The following PLCE1 variants were observed in gnomAD, a reference collection of about 807,000 sequenced individuals.
The protein encoded by PLCE1 is phospholipase C epsilon 1.
Under a neutral mutation model 242.8 loss-of-function variants are expected in PLCE1, and 119 were observed. The ratio of observed to expected loss-of-function variants is 0.49; its 90% CI spans 0.42 to 0.57. The LOEUF is 0.57. Ranked by LOEUF, PLCE1 falls within the 20% of genes least tolerant of loss-of-function variation. The pLI is 0.00. For missense variants in PLCE1, 2,441 were observed against 2,788.8 expected (o/e 0.88, Z 2.81); for synonymous variants, 945 against 1,017.4 (o/e 0.93, Z 1.35).
At chr10:94,318,785 G>A (rs987602621) in intron 29 of PLCE1, among the ~76,000 whole-genome samples, 18 of 152,226 alleles carry the variant, frequency 1.2e-4, no homozygotes, top group Non-Finnish European at 2.9e-5. Context: ...AACAAGCTGG[G>A]CACGGTGGCT....
intron 2 of PLCE1, among the ~76,000 whole-genome samples, chr10:94,114,650 G>T (rs2046061688): frequency 6.6e-6 from 1 of 151,866 alleles, no homozygotes; most frequent in African/African-American, 2.4e-5. Context: ...CCAAATAATC[G>T]AGAGTTCACA....
Position 94,298,421 on chromosome 10 carries a change from C to T in PLCE1, c.5210C>T (p.Ser1737Phe), listed in dbSNP as rs762135003. ...CGACAGACCTGGGAGGAATCTTCTT[C>T]CCCTCTCAACCCAACCACGTCCCTC... ...GIRQTWEESS[S>F]PLNPTTSLSA... Residue 1737 changes from serine (S) to phenylalanine (F), a missense_variant, in exon 24 of 33, where the codon TCC (serine) becomes TTC (phenylalanine). Around this residue, in one of 5 missense-constraint regions of PLCE1, gnomAD observed 1,004 missense variants for 1,322.7 expected, o/e 0.76. Coordinates refer to ENST00000371380, the MANE Select transcript of PLCE1 (RefSeq NM_016341.4). The surrounding 1 kb of genome is among the most constrained non-coding windows in gnomAD (Gnocchi z 5.2). 123 of 1,613,974 alleles carry T rather than the reference C, an allele frequency of 7.6e-5. No homozygotes were observed. In the Admixed American group the frequency reaches 2.0e-3, roughly 26 times the overall value.
intron 4 of PLCE1, among the ~76,000 whole-genome samples, chr10:94,199,565 G>C (rs1044499403): frequency 6.6e-6 from 1 of 152,200 alleles, no homozygotes; most frequent in Non-Finnish European, 1.5e-5. Context: ...TTTCCCACAT[G>C]AGCTAGATGT....
chr10:94,257,687 C>T lies in PLCE1; in HGVS notation c.3555-1113C>T, dbSNP rs138753792. Among the ~76,000 whole-genome samples the T allele has an allele frequency of 2.5e-3, 380 of 152,228 alleles. 1 individual carries two copies. The highest frequency in any genetic ancestry group is 4.1e-3 in the Non-Finnish European group (277 of 68,020). Reference sequence around the variant, plus strand: ...ATCGCAAGGACAGAAAACCAAACACCGCGTGTTCTCACTCATAGGTAGGAA... The same window carrying T: ...ATCGCAAGGACAGAAAACCAAACACTGCGTGTTCTCACTCATAGGTAGGAA... On this transcript the variant is annotated intron_variant, in intron 11 of 32. Coordinates refer to ENST00000371380, the MANE Select transcript of PLCE1 (RefSeq NM_016341.4).
chr10:94,138,089 G>A, intron 3 of PLCE1: 1 of 355,742 alleles, frequency 2.8e-6, no homozygotes, highest in South Asian at 2.6e-5. Flanking sequence ...CGGCTCTGTG[G>A]CAAGTTCTGT....
At chr10:94,042,356 T>C (rs2061785844) in intron 2 of PLCE1, among the ~76,000 whole-genome samples, 1 of 152,188 alleles carries the variant, frequency 6.6e-6, no homozygotes, top group Non-Finnish European at 1.5e-5. Flanking sequence ...ATCTTTTCTT[T>C]CCTTTCATTC....
At chr10:94,157,045 T>C (rs1431491372) in intron 3 of PLCE1, among the ~76,000 whole-genome samples, 4 of 152,136 alleles carry the variant, frequency 2.6e-5, no homozygotes, top group African/African-American at 9.7e-5. Flanking sequence ...GGGGGATTCA[T>C]TAGTACAGTG....
rs186564655 is a variant in PLCE1 at position 94,233,263 on chromosome 10, G to C, written c.1956-791G>C. Among the ~76,000 whole-genome samples the C allele has an allele frequency of 9.6e-4, 146 of 152,334 alleles. 1 individual carries two copies. The highest frequency in any genetic ancestry group is 3.2e-3 in the African/African-American group (132 of 41,572). On this transcript the variant is annotated intron_variant, in intron 5 of 32. Coordinates refer to ENST00000371380, the MANE Select transcript of PLCE1 (RefSeq NM_016341.4). ...CAACAAGGTCCCCCAAAATGGGCTG[G>C]TGGCTTCATGTCAAAGCTTGATTCA...
intron 2 of PLCE1, among the ~76,000 whole-genome samples, chr10:94,127,317 T>C (rs1395592230): frequency 6.6e-6 from 1 of 152,156 alleles, no homozygotes; most frequent in Non-Finnish European, 1.5e-5. Context: ...GTGGCAGCAG[T>C]TGGACTGGCA....
At chr10:94,010,050 C>CAG (rs1339133448) in intron 1 of PLCE1, among the ~76,000 whole-genome samples, 1 of 152,240 alleles carries the variant, frequency 6.6e-6, no homozygotes, top group African/African-American at 2.4e-5. Flanking sequence ...TATGTGGGGG[C>CAG]TCTCCCTCCA....
In PLCE1 at chr10:94,246,119, C is replaced by T. The variant is rs575911826; in HGVS notation, c.2594C>T (p.Ala865Val). ...ADVHQFLLQGATVIHYDQDTH... is the reference protein window; with the variant it reads ...ADVHQFLLQGVTVIHYDQDTH... ...GTGCACCAGTTCCTGCTGCAGGGGGCCACGGTCATCCACTACGACCAGGAC... is the reference window on the plus strand; with the variant it reads ...GTGCACCAGTTCCTGCTGCAGGGGGTCACGGTCATCCACTACGACCAGGAC... Residue 865 changes from alanine to valine, a missense_variant, in exon 8 of 33, where the codon GCC becomes GTC. Ala to Val is a moderately conservative substitution (Grantham distance 64). Coordinates refer to ENST00000371380, the MANE Select transcript of PLCE1 (RefSeq NM_016341.4). 2 of 1,614,134 alleles carry T rather than the reference C, an allele frequency of 1.2e-6. No individual in the cohort carries two copies. Among genetic ancestry groups the T allele is most frequent in the Non-Finnish European group, 1.7e-6 (2 of 1,180,006 alleles).
At chr10:94,237,900 C>T (rs2050376030) in intron 7 of PLCE1, among the ~76,000 whole-genome samples, 1 of 152,174 alleles carries the variant, frequency 6.6e-6, no homozygotes, top group African/African-American at 2.4e-5. Context: ...CTTTGTTGAT[C>T]TGGCTGAAAC....
chr10:94,106,392 C>T (rs186731486), intron 2 of PLCE1, among the ~76,000 whole-genome samples: 2 of 152,224 alleles, frequency 1.3e-5, no homozygotes, highest in East Asian at 3.9e-4. Flanking sequence ...TTCATTGTTG[C>T]CTAGTATACT....
chr10:94,119,956 T>C (rs1485232846), intron 2 of PLCE1, among the ~76,000 whole-genome samples: 2 of 152,248 alleles, frequency 1.3e-5, no homozygotes, highest in East Asian at 3.8e-4. Flanking sequence ...GGCTACTTTG[T>C]GTCTGCATTG....
At chr10:94,059,118 T>A (rs940293138) in intron 2 of PLCE1, among the ~76,000 whole-genome samples, 1 of 152,170 alleles carries the variant, frequency 6.6e-6, no homozygotes, top group African/African-American at 2.4e-5. Flanking sequence ...ACAGTCATGA[T>A]GGAGAAGGAG....
intron 4 of PLCE1, among the ~76,000 whole-genome samples, chr10:94,198,679 C>G (rs981940342): frequency 5.3e-5 from 8 of 152,160 alleles, no homozygotes; most frequent in Admixed American, 2.6e-4. Flanking sequence ...TTGCCTTTGA[C>G]AGAATGTAGC....
chr10:94,270,418 T>C (rs1473922921), intron 17 of PLCE1, 68 bp from the exon 18 acceptor site: 4 of 1,005,432 alleles, frequency 4.0e-6, no homozygotes, highest in East Asian at 2.4e-5. Context: ...TCTGTGGCTA[T>C]AACTACCCTG....
chr10:94,054,939 G>A (rs2043861841), intron 2 of PLCE1, among the ~76,000 whole-genome samples: 1 of 150,240 alleles, frequency 6.7e-6, no homozygotes, highest in Non-Finnish European at 1.5e-5. Flanking sequence ...GTGAATCTGG[G>A]AGGCAGAACT....
At chr10:94,050,546 T>TA (rs1456504041) in intron 2 of PLCE1, among the ~76,000 whole-genome samples, 2 of 152,074 alleles carry the variant, frequency 1.3e-5, no homozygotes, top group Non-Finnish European at 1.5e-5. Flanking sequence ...CCTGGCCATT[T>TA]AACAAAACCT....
Sources: allele counts gnomAD v4.1 joint callset (sites outside exome capture counted in the v4.1 genomes callset), GRCh38; gene constraint gnomAD v4.1.1; regional missense constraint gnomAD v4.1.1; non-coding constraint Gnocchi (gnomAD v3.1); transcripts MANE v1.5; gene names NCBI Gene and HGNC (gene_info 2026-07-23, HGNC 2026-07-21).